Variants in PIK3C2G observed in about 807,000 individuals in gnomAD.
The protein encoded by PIK3C2G is phosphatidylinositol-4-phosphate 3-kinase catalytic subunit type 2 gamma.
A neutral mutation model predicts 181.1 loss-of-function variants in PIK3C2G; 168 were observed. That is an observed-to-expected ratio of 0.93 (90% confidence interval 0.82 to 1.05). The LOEUF is 1.05. Among genes scored for constraint, PIK3C2G ranks in the 50% least tolerant of loss-of-function variants. The probability of loss-of-function intolerance (pLI) is 0.00; values close to 1 mark genes in which losing one functional copy is unlikely to be tolerated. For missense variants in PIK3C2G, 1,869 were observed against 1,732.8 expected (o/e 1.08, Z -1.40); for synonymous variants, 573 against 592.2 (o/e 0.97, Z 0.47).
Position 18,648,307 on chromosome 12 carries a change from A to T in PIK3C2G, c.*279A>T. The T allele has an allele frequency of 4.2e-6, 1 of 237,908 alleles. No homozygotes were observed. The highest frequency in any genetic ancestry group is 8.2e-6 in the Non-Finnish European group (1 of 121,822). The allele number at this position is 237,908 out of a possible 1,614,324, so 14.7% of individuals were successfully genotyped here. ...TATTAAATCATTTTAATATATTTTA[A>T]ATTAAACATAGGTTTACATTTGTTT... On this transcript the variant is annotated 3_prime_UTR_variant, in exon 33 of 33. Transcript: ENST00000538779.
chr12:18,346,336 T>C (rs1218110049), intron 10 of PIK3C2G, among the ~76,000 whole-genome samples: 2 of 152,170 alleles, frequency 1.3e-5, no homozygotes, highest in Non-Finnish European at 1.5e-5. Flanking sequence ...GAACAAAAAT[T>C]ATTGCAAATT....
At chr12:18,536,159 A>G (rs1943842068) in intron 24 of PIK3C2G, among the ~76,000 whole-genome samples, 1 of 152,162 alleles carries the variant, frequency 6.6e-6, no homozygotes, top group Non-Finnish European at 1.5e-5. Context: ...TTATGCAGCA[A>G]GAGAGGTTAC....
Position 18,313,753 on chromosome 12 carries a change from T to C in PIK3C2G, c.1035-209T>C, listed in dbSNP as rs1950737519. On this transcript the variant is annotated intron_variant, in intron 5 of 32. Coordinates refer to ENST00000538779, the MANE Select transcript of PIK3C2G (RefSeq NM_001288772.2). ...CATCATTTATATCTATATATCTATATTTCCTGTCATATTATTCATTTATAC... is the reference window on the plus strand; with the variant it reads ...CATCATTTATATCTATATATCTATACTTCCTGTCATATTATTCATTTATAC... Among the ~76,000 whole-genome samples, 4 of 152,038 alleles carry C rather than the reference T, an allele frequency of 2.6e-5. No individual in the cohort carries two copies. In the South Asian group the frequency reaches 8.3e-4, roughly 31 times the overall value.
At chr12:18,472,975 C>T (rs1938595256) in intron 18 of PIK3C2G, among the ~76,000 whole-genome samples, 1 of 152,152 alleles carries the variant, frequency 6.6e-6, no homozygotes, top group Admixed American at 6.5e-5. Context: ...ACTAGGATTA[C>T]AGGCGTGAGC....
chr12:18,336,852 T>C (rs1377352883), intron 8 of PIK3C2G, among the ~76,000 whole-genome samples: 1 of 152,162 alleles, frequency 6.6e-6, no homozygotes, highest in Non-Finnish European at 1.5e-5. Context: ...GGTTTCGGAT[T>C]TGTAAAATTA....
chr12:18,575,771 C>T (rs569380531), intron 29 of PIK3C2G, among the ~76,000 whole-genome samples: 8 of 152,306 alleles, frequency 5.3e-5, no homozygotes, highest in South Asian at 2.1e-4. Flanking sequence ...TATGGTTACA[C>T]GCTTTCTCCT....
intron 26 of PIK3C2G, 67 bp from the exon 27 acceptor site, chr12:18,562,636 G>C: frequency 1.0e-6 from 1 of 955,074 alleles, no homozygotes; most frequent in Non-Finnish European, 1.6e-6. Flanking sequence ...CAAGGAAACA[G>C]ATCATAAATG....
intron 31 of PIK3C2G, among the ~76,000 whole-genome samples, chr12:18,619,658 A>T (rs975304456): frequency 1.2e-4 from 18 of 151,970 alleles, no homozygotes; most frequent in African/African-American, 4.4e-4. Context: ...ACTTTCAAGT[A>T]TTTGGAAAAT....
intron 26 of PIK3C2G, among the ~76,000 whole-genome samples, chr12:18,551,670 A>T (rs1173285325): frequency 6.6e-6 from 1 of 152,122 alleles, no homozygotes; most frequent in Non-Finnish European, 1.5e-5. Flanking sequence ...AATTGTTTGC[A>T]ATCATGAGCT....
chr12:18,363,501 G>C (rs1009055893), intron 12 of PIK3C2G, among the ~76,000 whole-genome samples: 1 of 151,740 alleles, frequency 6.6e-6, no homozygotes, highest in Non-Finnish European at 1.5e-5. Context: ...GAACCCCAGG[G>C]GGCTCATCAG....
chr12:18,341,914 G>C (rs745695561), intron 9 of PIK3C2G, among the ~76,000 whole-genome samples: 4 of 152,122 alleles, frequency 2.6e-5, no homozygotes, highest in Non-Finnish European at 4.4e-5. Flanking sequence ...TTAAATGTAA[G>C]TTTTGGCAAG....
intron 24 of PIK3C2G, among the ~76,000 whole-genome samples, chr12:18,512,407 G>A (rs779045186): frequency 8.6e-5 from 13 of 151,768 alleles, no homozygotes; most frequent in African/African-American, 1.9e-4. Context: ...TGGGTAATAC[G>A]GACATTTTAA....
At chr12:18,602,945 T>A (rs932843464) in intron 30 of PIK3C2G, among the ~76,000 whole-genome samples, 2 of 152,062 alleles carry the variant, frequency 1.3e-5, no homozygotes, top group African/African-American at 4.8e-5. Flanking sequence ...CCAACCCTGG[T>A]AATATGAAAA....
At chr12:18,279,848 T>G (rs1475020016) in intron 1 of PIK3C2G, among the ~76,000 whole-genome samples, 1 of 152,048 alleles carries the variant, frequency 6.6e-6, no homozygotes, top group Admixed American at 6.6e-5. Flanking sequence ...ACCATTTACA[T>G]ACATCTCTTG....
chr12:18,331,961 A>G (rs1377428828), intron 8 of PIK3C2G, among the ~76,000 whole-genome samples: 3 of 152,110 alleles, frequency 2.0e-5, no homozygotes. Context: ...AAATTTTAAA[A>G]ATCTTTTTAT....
intron 15 of PIK3C2G, among the ~76,000 whole-genome samples, chr12:18,392,827 T>C (rs901954340): frequency 6.6e-6 from 1 of 152,110 alleles, no homozygotes; most frequent in African/African-American, 2.4e-5. Context: ...ATAAATAGAT[T>C]ATAAGGACTG....
chr12:18,700,003 A>T, the PIK3C2G span: 1 of 1,520,944 alleles, frequency 6.6e-7, no homozygotes, highest in Non-Finnish European at 9.0e-7. Context: ...TTGGGAAAAA[A>T]AATTTTTTCT....
chr12:18,274,733 A>G (rs1477307419), intron 1 of PIK3C2G, among the ~76,000 whole-genome samples: 3 of 152,100 alleles, frequency 2.0e-5, no homozygotes, highest in Middle Eastern at 3.2e-3. Flanking sequence ...CAGCACACCA[A>G]CATGGCACAT....
chr12:18,309,264 A>C (rs1445958630), intron 5 of PIK3C2G, among the ~76,000 whole-genome samples: 1 of 151,866 alleles, frequency 6.6e-6, no homozygotes, highest in Non-Finnish European at 1.5e-5. Context: ...AAATATGTCC[A>C]TTGGATTCTG....
Sources: allele counts gnomAD v4.1 joint callset (sites outside exome capture counted in the v4.1 genomes callset), GRCh38; gene constraint gnomAD v4.1.1; transcripts MANE v1.5; gene names NCBI Gene and HGNC (gene_info 2026-07-23, HGNC 2026-07-21).